The following LANCL1 variants were observed in gnomAD, a reference collection of about 807,000 sequenced individuals.
LANCL1 encodes glutathione S-transferase LANCL1.
In LANCL1, 50 loss-of-function variants were observed where a neutral mutation model predicts 50.6. The observed-to-expected ratio is 0.99, with a 90% confidence interval of 0.79 to 1.25. The LOEUF is 1.25. LANCL1 is among the 50% of genes most tolerant of loss of function. LANCL1 has a pLI of 0.00. For missense variants in LANCL1, 532 were observed against 480.7 expected (o/e 1.11, Z -1.00); for synonymous variants, 188 against 178.6 (o/e 1.05, Z -0.42).
At chr2:210,473,978 CAT>C (rs1410346650) in intron 2 of LANCL1, among the ~76,000 whole-genome samples, 2 of 152,132 alleles carry the variant, frequency 1.3e-5, no homozygotes, top group African/African-American at 2.4e-5. Flanking sequence ...GTATATAGAT[CAT>C]ATATAATTTA....
chr2:210,435,255 A>C (rs971046190), intron 9 of LANCL1, 132 bp downstream of exon 9: 5 of 663,172 alleles, frequency 7.5e-6, no homozygotes, highest in Non-Finnish European at 1.3e-5. Context: ...ATATCGATTT[A>C]GCATATTAGG....
At chr2:210,451,561 A>G (rs990437071) in intron 4 of LANCL1, among the ~76,000 whole-genome samples, 3 of 152,228 alleles carry the variant, frequency 2.0e-5, no homozygotes, top group African/African-American at 7.2e-5. Flanking sequence ...TTTAGGTGCC[A>G]TAATTTATGC....
rs143688994 is a variant in LANCL1 at position 210,442,678 on chromosome 2, C to T, written c.408-1235G>A. On this transcript the variant is annotated intron_variant, in intron 4 of 9. Transcript: ENST00000450366. ...GCAAAAAGGGGAAGAGGACAGGAAT[C>T]TGAAGTAGCACCAAACCAATGGTGA... 80 of 152,346 alleles carry T rather than the reference C, an allele frequency of 5.3e-4. 1 individual carries two copies. Among genetic ancestry groups the T allele is most frequent in the African/African-American group, 1.8e-3 (74 of 41,564 alleles). The allele number at this position is 152,346 out of a possible 1,614,324, so 9.4% of individuals were successfully genotyped here.
intron 4 of LANCL1, among the ~76,000 whole-genome samples, chr2:210,448,189 C>A (rs1157327597): frequency 6.6e-6 from 1 of 152,156 alleles, no homozygotes; most frequent in East Asian, 1.9e-4. Context: ...AACTCAGGAT[C>A]AAGAAACTCA....
intron 8 of LANCL1, 141 bp downstream of exon 8, chr2:210,436,075 G>A (rs1450048294): frequency 3.2e-6 from 2 of 626,150 alleles, no homozygotes; most frequent in Non-Finnish European, 5.3e-6. Context: ...CTAATTTTTT[G>A]TCATTTTAGT....
intron 6 of LANCL1, among the ~76,000 whole-genome samples, chr2:210,438,108 C>G (rs1177893906): frequency 6.7e-6 from 1 of 150,254 alleles, no homozygotes; most frequent in East Asian, 1.9e-4. Context: ...ACTCTTAGGG[C>G]CTTTTGTATA....
upstream of LANCL1, among the ~76,000 whole-genome samples, chr2:210,477,005 A>AT (rs1339046024): frequency 1.7e-4 from 26 of 150,884 alleles, no homozygotes; most frequent in Middle Eastern, 6.9e-3. Flanking sequence ...TAAGAAGTAT[A>AT]TATTTTTTTA....
At chr2:210,440,476 A>G in intron 6 of LANCL1, 122 bp downstream of exon 6, 1 of 877,956 alleles carries the variant, frequency 1.1e-6, no homozygotes, top group East Asian at 2.8e-5. Context: ...AATTACAAGG[A>G]GAGTACTGTA....
In LANCL1 at chr2:210,436,371, G is replaced by T; in HGVS notation, c.895C>A (p.Leu299Ile). The T allele has an allele frequency of 6.2e-7, 1 of 1,613,908 alleles. No homozygotes were observed. The highest frequency in any genetic ancestry group is 8.5e-7 in the Non-Finnish European group (1 of 1,179,902). ...TCAGCACACTGATAGGCATCACAGA[G>T]ATACTTTTCCTCTCTGAATACCTGC... Reference protein sequence around the residue: ...AYKVFREEKYLCDAYQCADVI... With the variant: ...AYKVFREEKYICDAYQCADVI... The change falls in exon 8 of 10, where the codon CTC (leucine) becomes ATC (isoleucine). Residue 299 changes from leucine to isoleucine, a missense_variant. Coordinates refer to ENST00000450366, the MANE Select transcript of LANCL1 (RefSeq NM_006055.3).
At chr2:210,435,139 G>A (rs572963342) in intron 9 of LANCL1, among the ~76,000 whole-genome samples, 29 of 152,218 alleles carry the variant, frequency 1.9e-4, no homozygotes, top group African/African-American at 6.5e-4. Context: ...AATGATTTAT[G>A]AGGGCGTCTG....
intron 3 of LANCL1, among the ~76,000 whole-genome samples, chr2:210,464,186 A>G (rs970681971): frequency 6.6e-6 from 1 of 152,236 alleles, no homozygotes; most frequent in African/African-American, 2.4e-5. Context: ...TCCTAATCTT[A>G]TCTGAACTAG....
In LANCL1 at chr2:210,436,582, C is replaced by A. The variant is rs576043640; in HGVS notation, c.874-190G>T. Among the ~76,000 whole-genome samples, 4 of 152,266 alleles carry A rather than the reference C, an allele frequency of 2.6e-5. No homozygotes were observed. In the South Asian group the frequency reaches 8.3e-4, roughly 32 times the overall value. On this transcript the variant is annotated intron_variant, in intron 7 of 9. Coordinates refer to ENST00000450366, the MANE Select transcript of LANCL1 (RefSeq NM_006055.3). ...TCGACTAGTTTGGCTTTAAAAAAAACTGTGCATGACTTTGGCATGTACAGT... is the reference window on the plus strand; with the variant it reads ...TCGACTAGTTTGGCTTTAAAAAAAAATGTGCATGACTTTGGCATGTACAGT...
intron 3 of LANCL1, among the ~76,000 whole-genome samples, chr2:210,456,228 T>C (rs1294119368): frequency 6.6e-6 from 1 of 152,174 alleles, no homozygotes; most frequent in Middle Eastern, 3.2e-3. Flanking sequence ...TTCCATCTCA[T>C]TTGCGATTTT....
At chr2:210,439,732 G>A (rs1176512619) in intron 6 of LANCL1, among the ~76,000 whole-genome samples, 1 of 152,090 alleles carries the variant, frequency 6.6e-6, no homozygotes, top group Admixed American at 6.5e-5. Context: ...TAGGTAGAGG[G>A]CAGGTCCAAC....
chr2:210,466,235 C>CTA lies in LANCL1; in HGVS notation c.199+5722_199+5723dup, dbSNP rs560376584. On this transcript the variant is annotated intron_variant, in intron 3 of 9. Transcript: ENST00000450366. ...TCAACACTGAAGACATCAAAGTGGT[C>CTA]TACTTGCCCCAAACAGGTCTCTAAT... is the stretch of plus-strand genomic sequence containing the variant. Among the ~76,000 whole-genome samples the CTA allele has an allele frequency of 1.5e-4, 23 of 152,290 alleles. No individual in the cohort carries two copies. The South Asian group carries it at 4.8e-3, about 32-fold the overall frequency.
chr2:210,435,311 A>G (rs1327490694), intron 9 of LANCL1, 76 bp downstream of exon 9: 9 of 1,202,144 alleles, frequency 7.5e-6, no homozygotes, highest in Non-Finnish European at 1.1e-5. Context: ...TTTTGCTAAA[A>G]CTTAAATACA....
At chr2:210,470,182 C>T (rs908148461) in intron 3 of LANCL1, among the ~76,000 whole-genome samples, 1 of 152,154 alleles carries the variant, frequency 6.6e-6, no homozygotes, top group African/African-American at 2.4e-5. Context: ...TATCTATCAA[C>T]CACATCACAC....
chr2:210,440,584 T>C lies in LANCL1; in HGVS notation c.690+14A>G, dbSNP rs1288718704. ...GGAAGGACATTTTAAAATTTCACCA[T>C]AATCACTCCTTACCTGCATCAGGTA... is the stretch of plus-strand genomic sequence containing the variant. On this transcript the variant is annotated intron_variant, in intron 6 of 9. Transcript: ENST00000450366. The C allele has an allele frequency of 5.0e-6, 8 of 1,601,830 alleles. No individual in the cohort carries two copies. Among genetic ancestry groups the C allele is most frequent in the Non-Finnish European group, 6.8e-6 (8 of 1,175,450 alleles).
chr2:210,466,331 G>C (rs1288770510), intron 3 of LANCL1, among the ~76,000 whole-genome samples: 2 of 152,176 alleles, frequency 1.3e-5, no homozygotes, highest in African/African-American at 4.8e-5. Flanking sequence ...GGAACGGATT[G>C]TCAGTGCTAT....
Sources: allele counts gnomAD v4.1 joint callset (sites outside exome capture counted in the v4.1 genomes callset), GRCh38; gene constraint gnomAD v4.1.1; transcripts MANE v1.5; gene names NCBI Gene and HGNC (gene_info 2026-07-23, HGNC 2026-07-21).